The following PCLO variants were observed in gnomAD, a reference collection of about 807,000 sequenced individuals.
PCLO encodes the protein protein piccolo.
In PCLO, 82 loss-of-function variants were observed where a neutral mutation model predicts 427.5. That is an observed-to-expected ratio of 0.19 (90% CI 0.16 to 0.23). The LOEUF is 0.23. Ranked by LOEUF, PCLO falls within the 10% of genes least tolerant of loss-of-function variation. The pLI, the probability that PCLO is intolerant of heterozygous loss-of-function variation, is 1.00. For missense variants in PCLO, 6,239 were observed against 6,115.9 expected, an observed-to-expected ratio of 1.02 and a Z score of -0.67; for synonymous variants, 2,357 against 2,155.4, an observed-to-expected ratio of 1.09 and a Z score of -2.59.
chr7:82,881,255 T>C (rs1035474932), intron 9 of PCLO, among the ~76,000 whole-genome samples: 6 of 152,160 alleles, frequency 3.9e-5, no homozygotes, highest in East Asian at 1.9e-4. Flanking sequence ...AATCTATTCA[T>C]TGGCATGAAG....
intron 3 of PCLO, among the ~76,000 whole-genome samples, chr7:83,003,685 G>A (rs939413696): frequency 6.6e-6 from 1 of 151,780 alleles, no homozygotes; most frequent in Non-Finnish European, 1.5e-5. Flanking sequence ...GCATCCTAAG[G>A]ATAAATCCCC....
rs1242399131 is a variant in PCLO, at chr7:83,155,736, G to C, written c.905C>G (p.Ser302Cys). 6.2e-7 allele frequency: 1 copy of C among 1,613,976 alleles called. No individual in the cohort carries two copies. ...ESVKPSLPSP[S>C]KPPIQQPTPG... ...AGTTGGTTGCTGAATAGGTGGTTTG[G>C]ATGGGCTTGGCAGTGAGGGTTTAAC... Residue 302 changes from serine to cysteine, a missense_variant, in exon 2 of 25, where the codon TCC (serine) becomes TGC (cysteine). Physicochemically the swap from Ser to Cys is moderately radical, Grantham distance 112. Around this residue, in one of 5 missense-constraint regions of PCLO, gnomAD observed 4,677 missense variants for 4,468.4 expected, o/e 1.05. Transcript: ENST00000333891.
intron 3 of PCLO, among the ~76,000 whole-genome samples, chr7:83,082,783 A>G (rs1365762053): frequency 6.6e-6 from 1 of 151,718 alleles, no homozygotes; most frequent in Non-Finnish European, 1.5e-5. Context: ...ATTATTATGT[A>G]CTCATGATTA....
At chr7:82,903,250 C>A (rs1403468033) in intron 8 of PCLO, among the ~76,000 whole-genome samples, 1 of 151,908 alleles carries the variant, frequency 6.6e-6, no homozygotes, top group African/African-American at 2.4e-5. Context: ...TTTATTGTGG[C>A]ATTGTACTTC....
chr7:82,940,849 G>A (rs753770943), intron 6 of PCLO, among the ~76,000 whole-genome samples: 4 of 132,492 alleles, frequency 3.0e-5, no homozygotes, highest in African/African-American at 5.7e-5. Flanking sequence ...TGCAAGCTCC[G>A]CCTCCCGGGT....
intron 10 of PCLO, among the ~76,000 whole-genome samples, chr7:82,878,445 T>TA (rs1793426316): frequency 6.6e-6 from 1 of 152,092 alleles, no homozygotes; most frequent in Non-Finnish European, 1.5e-5. Flanking sequence ...AGAGTAAAAA[T>TA]AAAAAGGTTG....
intron 7 of PCLO, among the ~76,000 whole-genome samples, chr7:82,913,560 AAAG>A (rs1794374744): frequency 6.6e-6 from 1 of 151,994 alleles, no homozygotes; most frequent in African/African-American, 2.4e-5. Context: ...GGTGAAAAAA[AAAG>A]GACCAAGAGT....
At position 82,966,390 on chromosome 7, in the gene PCLO, T is replaced by C; in HGVS notation, c.3398A>G (p.Lys1133Arg). Residue 1133 changes from lysine to arginine, a missense_variant, in exon 4 of 25, where the codon AAA becomes AGA. Lys to Arg is a conservative substitution (Grantham distance 26). Around this residue, in one of 5 missense-constraint regions of PCLO, gnomAD observed 4,677 missense variants for 4,468.4 expected, o/e 1.05. Transcript: ENST00000333891. Reference protein sequence around the residue: ...RKMPPAPSGPKASPMPVPTES... With the variant: ...RKMPPAPSGPRASPMPVPTES... ...TGTAGGAACAGGCATAGGAGATGCT[T>C]TGGGTCCTGATGGTGCAGGTGGCAT... is the stretch of plus-strand genomic sequence containing the variant. 1 of 1,613,856 alleles carries C rather than the reference T, an allele frequency of 6.2e-7. No individual in the cohort carries two copies. The highest frequency in any genetic ancestry group is 1.1e-5 in the South Asian group (1 of 91,080).
At chr7:83,114,522 C>T (rs1431919753) in intron 3 of PCLO, among the ~76,000 whole-genome samples, 1 of 152,002 alleles carries the variant, frequency 6.6e-6, no homozygotes, top group Non-Finnish European at 1.5e-5. Context: ...AGGGAGACTG[C>T]ACAAATCATC....
chr7:83,030,986 T>A (rs921547174), intron 3 of PCLO, among the ~76,000 whole-genome samples: 1 of 152,192 alleles, frequency 6.6e-6, no homozygotes, highest in Non-Finnish European at 1.5e-5. Context: ...TTCCTCAGGC[T>A]CTGATATGGT....
chr7:83,154,573 T>C (rs901653736), intron 2 of PCLO, among the ~76,000 whole-genome samples, 175 bp downstream of exon 2: 1 of 152,154 alleles, frequency 6.6e-6, no homozygotes, highest in African/African-American at 2.4e-5. Flanking sequence ...TTGAGGCTTC[T>C]AGTCAGAGAA....
intron 10 of PCLO, among the ~76,000 whole-genome samples, chr7:82,853,661 T>C (rs1792726655): frequency 6.6e-6 from 1 of 152,174 alleles, no homozygotes; most frequent in Non-Finnish European, 1.5e-5. Flanking sequence ...TAGATAAATA[T>C]TTTCTTTATC....
rs562415354 is a variant in PCLO, at chr7:83,038,335, A to G, written c.3301-71848T>C. 2.0e-5 allele frequency among the ~76,000 whole-genome samples: 3 copies of G among 151,348 alleles called. No homozygotes were observed. In the South Asian group the frequency reaches 6.2e-4, roughly 31 times the overall value. On this transcript the variant is annotated intron_variant, in intron 3 of 24. Transcript: ENST00000333891. ...ACTTTAGAATTATTTTTATAACTTC[A>G]AAATAAGCTCCATAACGTTTAGTTA...
chr7:82,948,294 G>GAA (rs34214635), intron 6 of PCLO, among the ~76,000 whole-genome samples: 45,973 of 142,494 alleles, frequency 0.32, 7,993 homozygotes, highest in East Asian at 0.49. Flanking sequence ...ACTACTTTGA[G>GAA]AAAAAAAAAA....
At chr7:83,142,224 A>C (rs1791880015) in intron 2 of PCLO, among the ~76,000 whole-genome samples, 2 of 152,176 alleles carry the variant, frequency 1.3e-5, no homozygotes, top group African/African-American at 4.8e-5. Context: ...AGGAATTTAT[A>C]TTTGCTCCTT....
In PCLO at chr7:82,956,078, T is replaced by A. The variant is rs376649796; in HGVS notation, c.4875A>T (p.Arg1625Ser). ...SSTSIDEDAG[R>S]RHSWHDEDDE... ...CGTCTTCATCATGCCATGAGTGACGTCTTCCTGCATCTTCATCAATGCTTG... is the reference window on the plus strand; with the variant it reads ...CGTCTTCATCATGCCATGAGTGACGACTTCCTGCATCTTCATCAATGCTTG... The change falls in exon 5 of 25, where the codon AGA becomes AGT. Residue 1625 changes from arginine to serine, a missense_variant. Physicochemically the swap from Arg to Ser is moderately radical, Grantham distance 110. Transcript: ENST00000333891. 2 of 1,611,778 alleles carry A rather than the reference T, an allele frequency of 1.2e-6. No individual in the cohort carries two copies. Among genetic ancestry groups the A allele is most frequent in the Middle Eastern group, 3.3e-4 (2 of 6,062 alleles).
rs1172690838 is a variant in PCLO, at chr7:82,950,435, T to C, written c.10153A>G (p.Ile3385Val). 8 of 1,613,666 alleles carry C rather than the reference T, an allele frequency of 5.0e-6. No homozygotes were observed. The highest frequency in any genetic ancestry group is 3.3e-5 in the South Asian group (3 of 91,078). Residue 3385 changes from isoleucine to valine, a missense_variant, in exon 6 of 25, where the codon ATT becomes GTT. By Grantham distance (29) the Ile-to-Val change is conservative. This residue lies in a region of PCLO where 4,677 missense variants were observed against 4,468.4 expected (regional missense o/e 1.05). Transcript: ENST00000333891. Reference protein sequence around the residue: ...TVQSDGVTQYIAPPGILSTVS... With the variant: ...TVQSDGVTQYVAPPGILSTVS... ...GTGCTCAGGATACCAGGTGGGGCAA[T>C]GTACTGAGTAACACCATCAGACTGA...
At chr7:83,048,101 A>G (rs1342061248) in intron 3 of PCLO, among the ~76,000 whole-genome samples, 3 of 152,068 alleles carry the variant, frequency 2.0e-5, no homozygotes, top group Non-Finnish European at 2.9e-5. Flanking sequence ...TCTAAACAAC[A>G]TATTTTAGTG....
chr7:82,999,695 ATAATATT>A (rs1787752936), intron 3 of PCLO, among the ~76,000 whole-genome samples: 1 of 19,004 alleles, frequency 5.3e-5, no homozygotes, highest in African/African-American at 6.2e-4. Context: ...AAAATAATAT[ATAATATT>A]AAATATAAAA....
Sources: allele counts gnomAD v4.1 joint callset (sites outside exome capture counted in the v4.1 genomes callset), GRCh38; gene constraint gnomAD v4.1.1; regional missense constraint gnomAD v4.1.1; transcripts MANE v1.5; gene names NCBI Gene and HGNC (gene_info 2026-07-23, HGNC 2026-07-21).